Variants in CTSO observed in about 807,000 individuals in gnomAD.
The protein encoded by CTSO is cathepsin O.
Under a neutral mutation model 42.4 loss-of-function variants are expected in CTSO, and 40 were observed. That is an observed-to-expected ratio of 0.94 (90% CI 0.73 to 1.23). The LOEUF (loss-of-function observed/expected upper bound fraction) is 1.23. Among genes scored for constraint, CTSO ranks in the 50% most tolerant of loss-of-function variants. The pLI is 0.00. For synonymous variants in CTSO, 156 were observed against 146.2 expected (o/e 1.07, Z -0.48); for missense variants, 441 against 396.0 (o/e 1.11, Z -0.96).
At chr4:155,934,870 G>A (rs10050234) in intron 5 of CTSO, among the ~76,000 whole-genome samples, 6,352 of 152,262 alleles carry the variant, frequency 0.042, 357 homozygotes, top group African/African-American at 0.12. Context: ...ACTTTGGACT[G>A]TGGACTTTCG....
At chr4:155,933,356 C>T (rs968581672) in intron 5 of CTSO, among the ~76,000 whole-genome samples, 1 of 152,094 alleles carries the variant, frequency 6.6e-6, no homozygotes, top group African/African-American at 2.4e-5. Context: ...CCTCCCTAGC[C>T]ATGTGGAACT....
At chr4:155,941,446 TCCA>T (rs976253535) in intron 3 of CTSO, among the ~76,000 whole-genome samples, 6 of 152,120 alleles carry the variant, frequency 3.9e-5, no homozygotes, top group Non-Finnish European at 8.8e-5. Context: ...GGCACCTCCT[TCCA>T]CCACTTCAGA....
chr4:155,952,913 A>C (rs1055907394), intron 1 of CTSO, among the ~76,000 whole-genome samples: 2 of 152,176 alleles, frequency 1.3e-5, no homozygotes, highest in Non-Finnish European at 2.9e-5. Context: ...TGTGTTAAAT[A>C]GTATCAGCTA....
chr4:155,946,267 C>T (rs886102916), intron 1 of CTSO, among the ~76,000 whole-genome samples: 8 of 152,162 alleles, frequency 5.3e-5, no homozygotes, highest in Non-Finnish European at 1.2e-4. Context: ...TTCCCATGTA[C>T]TTCTCTTAAT....
In CTSO at chr4:155,937,462, C is replaced by T; in HGVS notation, c.574G>A (p.Asp192Asn). 1.2e-6 allele frequency: 2 copies of T among 1,613,110 alleles called. No homozygotes were observed. The highest frequency in any genetic ancestry group is 1.7e-6 in the Non-Finnish European group (2 of 1,179,474). ...LNKMQVKLVK[D>N]SEYPFKAQNG... ...TGTGCTTTAAAAGGATATTCTGAAT[C>T]TTTCACCAGTTTTACTTGCATCTAA... is the stretch of plus-strand genomic sequence containing the variant. Residue 192 changes from aspartate to asparagine, a missense_variant, in exon 5 of 8, where the codon GAT becomes AAT. By Grantham distance (23) the Asp-to-Asn change is conservative. Transcript: ENST00000433477.
intron 5 of CTSO, among the ~76,000 whole-genome samples, chr4:155,931,608 G>C (rs1157915045): frequency 2.6e-5 from 4 of 152,016 alleles, no homozygotes; most frequent in Non-Finnish European, 5.9e-5. Context: ...CTTTTAGAGA[G>C]TTCAAATAAT....
At chr4:155,943,667 C>T (rs1743480893) in intron 1 of CTSO, among the ~76,000 whole-genome samples, 1 of 152,068 alleles carries the variant, frequency 6.6e-6, no homozygotes, top group Non-Finnish European at 1.5e-5. Flanking sequence ...GGAATATGTC[C>T]TCTTCACCTT....
intron 5 of CTSO, among the ~76,000 whole-genome samples, chr4:155,930,275 A>G (rs1743211574): frequency 6.6e-6 from 1 of 152,224 alleles, no homozygotes; most frequent in Non-Finnish European, 1.5e-5. Context: ...AGACTAACTC[A>G]TGTTAGTCAT....
chr4:155,935,482 C>G (rs764409443), intron 5 of CTSO, among the ~76,000 whole-genome samples: 2 of 151,942 alleles, frequency 1.3e-5, no homozygotes, highest in African/African-American at 2.4e-5. Context: ...CATGTTCCCC[C>G]ACATATCTGC....
intron 5 of CTSO, among the ~76,000 whole-genome samples, chr4:155,931,472 A>AAAAGATATCAAAGATATC (rs1351124461): frequency 3.3e-5 from 5 of 152,284 alleles, no homozygotes; most frequent in African/African-American, 1.2e-4. Flanking sequence ...CAGAGCTGAA[A>AAAAGATATCAAAGATATC]AAAGATATCA....
chr4:155,950,840 C>T (rs1204806512), intron 1 of CTSO, among the ~76,000 whole-genome samples: 1 of 69,304 alleles, frequency 1.4e-5, no homozygotes, highest in Non-Finnish European at 3.2e-5. Flanking sequence ...TCATCCGCAT[C>T]CTCCTCACCC....
chr4:155,949,103 G>T (rs558027532), intron 1 of CTSO, among the ~76,000 whole-genome samples: 3 of 152,314 alleles, frequency 2.0e-5, no homozygotes, highest in African/African-American at 7.2e-5. Context: ...GGGTTGAAGG[G>T]ATTGTTAAAT....
Position 155,937,439 on chromosome 4 carries a change from T to A in CTSO, c.597A>T (p.Ala199=), listed in dbSNP as rs1331270165. The A allele has an allele frequency of 3.1e-6, 5 of 1,613,258 alleles. No homozygotes were observed. The African/African-American group carries it at 6.7e-5, about 22-fold the overall frequency. Residue 199 remains alanine (A), a synonymous_variant, in exon 5 of 8, where the codon GCA becomes GCT. Coordinates refer to ENST00000433477, the MANE Select transcript of CTSO (RefSeq NM_001334.3). ...AAAAGTAATGGCACAGACCATTTTG[T>A]GCTTTAAAAGGATATTCTGAATCTT... ...LVKDSEYPFK[A]QNGLCHYFSG...
intron 1 of CTSO, among the ~76,000 whole-genome samples, chr4:155,946,261 C>T (rs1010427066): frequency 2.0e-5 from 3 of 152,138 alleles, no homozygotes; most frequent in Non-Finnish European, 2.9e-5. Flanking sequence ...AGGGAGTTCC[C>T]ATGTACTTCT....
intron 1 of CTSO, among the ~76,000 whole-genome samples, chr4:155,949,097 T>A (rs1414704440): frequency 6.6e-6 from 1 of 152,212 alleles, no homozygotes; most frequent in Non-Finnish European, 1.5e-5. Context: ...TACAAAGGGT[T>A]GAAGGGATTG....
chr4:155,928,037 C>T (rs113529769), intron 7 of CTSO, among the ~76,000 whole-genome samples: 1,576 of 152,068 alleles, frequency 0.01, 30 homozygotes, highest in African/African-American at 0.035. Flanking sequence ...CTGCAGGAGT[C>T]CAGTCTCCTA....
At chr4:155,932,652 C>T (rs1195471058) in intron 5 of CTSO, among the ~76,000 whole-genome samples, 2 of 152,284 alleles carry the variant, frequency 1.3e-5, no homozygotes, top group East Asian at 3.9e-4. Context: ...CAATCACCAA[C>T]TTGGATGGGA....
chr4:155,939,898 G>A (rs1440242269), intron 3 of CTSO, among the ~76,000 whole-genome samples: 3 of 152,100 alleles, frequency 2.0e-5, no homozygotes, highest in South Asian at 2.1e-4. Context: ...TTCTTCTGGA[G>A]AGTGTGTGCC....
At chr4:155,926,806 A>G (rs1023965027) in intron 7 of CTSO, among the ~76,000 whole-genome samples, 2 of 152,140 alleles carry the variant, frequency 1.3e-5, no homozygotes, top group African/African-American at 2.4e-5. Context: ...AGGGATGGAG[A>G]AAGGTTGTGG....
Sources: gnomAD v4.1 joint callset for allele counts (sites outside exome capture counted in the v4.1 genomes callset) on GRCh38, gnomAD v4.1.1 for gene constraint, MANE v1.5 for transcripts, NCBI Gene and HGNC (gene_info 2026-07-23, HGNC 2026-07-21) for gene names.